The following DYRK1A variants were observed in gnomAD, a reference collection of about 807,000 sequenced individuals.
DYRK1A encodes dual specificity tyrosine-phosphorylation-regulated kinase 1A.
DYRK1A carries 9 observed loss-of-function variants against 79.7 expected under a neutral mutation model. That is an observed-to-expected ratio of 0.11 (90% CI 0.07 to 0.20). The LOEUF (loss-of-function observed/expected upper bound fraction) is 0.20, where lower values mean the gene tolerates loss of function less well. Among genes scored for constraint, DYRK1A ranks in the 10% least tolerant of loss-of-function variants. DYRK1A has a pLI of 1.00. For missense variants in DYRK1A, 622 were observed against 956.0 expected (o/e 0.65, Z 4.61); for synonymous variants, 349 against 329.7 (o/e 1.06, Z -0.63).
At chr21:37,427,540 TC>T (rs2050660745) in intron 2 of DYRK1A, among the ~76,000 whole-genome samples, 1 of 152,236 alleles carries the variant, frequency 6.6e-6, no homozygotes. Flanking sequence ...GTTTAACGGT[TC>T]CCCATTTTTG....
At chr21:37,432,307 G>A (rs967659265) in intron 2 of DYRK1A, among the ~76,000 whole-genome samples, 1 of 152,096 alleles carries the variant, frequency 6.6e-6, no homozygotes, top group African/African-American at 2.4e-5. Flanking sequence ...ATTTATGTCT[G>A]TAATCCAGAT....
At chr21:37,401,037 G>A (rs1194868212) in intron 1 of DYRK1A, among the ~76,000 whole-genome samples, 1 of 152,200 alleles carries the variant, frequency 6.6e-6, no homozygotes, top group Non-Finnish European at 1.5e-5. Flanking sequence ...CCAGCTACTT[G>A]GGAGGCTGAG....
At position 37,372,839 on chromosome 21, in the gene DYRK1A, A is replaced by G. The variant is rs190292536; in HGVS notation, c.-77+5211A>G. On this transcript the variant is annotated intron_variant, in intron 1 of 11. Transcript: ENST00000647188. ...CAGAGAGGCCTTCCCCAAACCAGGT[A>G]GTCTTCCTTGGCCATGCATTCTTTT... Among the ~76,000 whole-genome samples, 448 of 152,264 alleles carry G rather than the reference A, an allele frequency of 2.9e-3. 2 individuals are homozygous for G. The Middle Eastern group carries it at 0.041, about 14-fold the overall frequency.
intron 3 of DYRK1A, among the ~76,000 whole-genome samples, chr21:37,475,433 A>G (rs976005544): frequency 6.6e-6 from 1 of 152,252 alleles, no homozygotes; most frequent in African/African-American, 2.4e-5. Context: ...GTGTTAGTAT[A>G]GATATATAAG....
intron 2 of DYRK1A, among the ~76,000 whole-genome samples, chr21:37,445,755 G>C (rs148688584): frequency 2.6e-5 from 4 of 152,102 alleles, no homozygotes; most frequent in African/African-American, 9.7e-5. Flanking sequence ...TCAAAGCCCA[G>C]CACCCTCTAT....
At chr21:37,400,172 C>T (rs920989900) in intron 1 of DYRK1A, among the ~76,000 whole-genome samples, 3 of 152,120 alleles carry the variant, frequency 2.0e-5, no homozygotes, top group African/African-American at 7.2e-5. Context: ...TTACCTCAAT[C>T]TCTCCTGCGA....
At position 37,479,606 on chromosome 21, in the gene DYRK1A, G is replaced by GTTTTTTTTTTTTTTTTT. The variant is rs1183029117; in HGVS notation, c.301-1027_301-1026insTTTTTTTTTTTTTTTTT. On this transcript the variant is annotated intron_variant, in intron 4 of 11. Coordinates refer to ENST00000647188, the MANE Select transcript of DYRK1A (RefSeq NM_001347721.2). Reference sequence around the variant, plus strand: ...GTGTTGGTGTTTTGTTTTTGTTTTTGTTTTTGTTTTTTGTTTTTTTTTTTT... The same window carrying GTTTTTTTTTTTTTTTTT: ...GTGTTGGTGTTTTGTTTTTGTTTTTGTTTTTTTTTTTTTTTTTTTTTTGTTTTTTGTTTTTTTTTTTT... Among the ~76,000 whole-genome samples, 68 of 27,586 alleles carry GTTTTTTTTTTTTTTTTT rather than the reference G, an allele frequency of 2.5e-3. 7 individuals carry two copies. Among genetic ancestry groups the GTTTTTTTTTTTTTTTTT allele is most frequent in the East Asian group, 8.0e-3 (7 of 878 alleles). 18.1% of individuals were successfully genotyped at this position (27,586 alleles called of 152,430 possible). A position where few individuals can be genotyped will look rare whatever the true frequency, so the allele number is the denominator to read the frequency against.
chr21:37,448,506 T>C (rs1157267941), intron 2 of DYRK1A, among the ~76,000 whole-genome samples: 1 of 152,172 alleles, frequency 6.6e-6, no homozygotes, highest in African/African-American at 2.4e-5. Context: ...GATAACACTT[T>C]TTATAACATA....
chr21:37,510,041 G>A (rs901072072), intron 11 of DYRK1A, among the ~76,000 whole-genome samples: 1 of 152,152 alleles, frequency 6.6e-6, no homozygotes, highest in African/African-American at 2.4e-5. Context: ...AAAAAACATA[G>A]TATATAGAGG....
At chr21:37,417,665 C>T (rs141538464) in intron 1 of DYRK1A, among the ~76,000 whole-genome samples, 6 of 150,166 alleles carry the variant, frequency 4.0e-5, no homozygotes, top group Admixed American at 1.3e-4. Flanking sequence ...CTGAGCATAC[C>T]GTGTGTTTAA....
intron 1 of DYRK1A, among the ~76,000 whole-genome samples, chr21:37,392,915 A>G (rs1460432651): frequency 6.6e-6 from 1 of 152,210 alleles, no homozygotes; most frequent in Non-Finnish European, 1.5e-5. Context: ...GAGGGGAGAA[A>G]TGCTGTGTCC....
intron 5 of DYRK1A, among the ~76,000 whole-genome samples, chr21:37,483,335 A>G (rs1285193447): frequency 6.6e-6 from 1 of 152,200 alleles, no homozygotes; most frequent in Non-Finnish European, 1.5e-5. Flanking sequence ...ACTCTATGTC[A>G]TTAGCAGCCA....
At chr21:37,445,026 A>G (rs1195176611) in intron 2 of DYRK1A, among the ~76,000 whole-genome samples, 1 of 152,176 alleles carries the variant, frequency 6.6e-6, no homozygotes, top group Non-Finnish European at 1.5e-5. Flanking sequence ...AAGTTAAGAA[A>G]GGTGCCCCAG....
At chr21:37,385,836 T>C (rs2049749315) in intron 1 of DYRK1A, among the ~76,000 whole-genome samples, 1 of 152,216 alleles carries the variant, frequency 6.6e-6, no homozygotes, top group South Asian at 2.1e-4. Flanking sequence ...GTTTCTGCTC[T>C]TCTTCCCTAA....
chr21:37,468,189 G>A (rs2052098244), intron 2 of DYRK1A, among the ~76,000 whole-genome samples: 1 of 152,014 alleles, frequency 6.6e-6, no homozygotes. Context: ...ATAACTCACT[G>A]CAGCCTTGAA....
At chr21:37,392,356 TTTC>T (rs2049886519) in intron 1 of DYRK1A, among the ~76,000 whole-genome samples, 1 of 152,254 alleles carries the variant, frequency 6.6e-6, no homozygotes, top group African/African-American at 2.4e-5. Context: ...AGTTCCTTCC[TTTC>T]TTATTGTATT....
intron 2 of DYRK1A, among the ~76,000 whole-genome samples, chr21:37,434,681 A>G (rs1179351023): frequency 6.6e-6 from 1 of 152,202 alleles, no homozygotes; most frequent in Non-Finnish European, 1.5e-5. Context: ...CTATAGGTTA[A>G]TACTTAATTG....
chr21:37,449,656 C>T (rs557812844), intron 2 of DYRK1A, among the ~76,000 whole-genome samples: 1 of 152,288 alleles, frequency 6.6e-6, no homozygotes, highest in East Asian at 1.9e-4. Context: ...TTCGTGTGGT[C>T]AAGGTAAACA....
intron 4 of DYRK1A, 144 bp downstream of exon 4, chr21:37,478,444 ATAT>A (rs2052481022): frequency 1.6e-6 from 1 of 615,106 alleles, no homozygotes; most frequent in African/African-American, 1.9e-5. Context: ...TTTAGAAATA[ATAT>A]TACAATTATG....
Sources: allele counts gnomAD v4.1 joint callset (sites outside exome capture counted in the v4.1 genomes callset), GRCh38; gene constraint gnomAD v4.1.1; transcripts MANE v1.5; gene names NCBI Gene and HGNC (gene_info 2026-07-23, HGNC 2026-07-21).